ANXA8: variants seen among roughly 807,000 people sequenced by gnomAD.
The protein encoded by ANXA8 is VAC-beta.
In ANXA8, 9 loss-of-function variants were observed where a neutral mutation model predicts 26.8. The observed-to-expected ratio is 0.34, with a 90% confidence interval of 0.20 to 0.59. ANXA8 has a LOEUF of 0.59. Among genes scored for constraint, ANXA8 ranks in the 20% least tolerant of loss-of-function variants. The probability of loss-of-function intolerance (pLI) is 0.84; values close to 1 mark genes in which losing one functional copy is unlikely to be tolerated. For synonymous variants in ANXA8, 39 were observed against 94.8 expected, an observed-to-expected ratio of 0.41 and a Z score of 3.42; for missense variants, 83 against 238.5, an observed-to-expected ratio of 0.35 and a Z score of 4.29.
At chr10:47,949,429 T>C in the ANXA8 span, among the ~76,000 whole-genome samples, 1 of 149,500 alleles carries the variant, frequency 6.7e-6, no homozygotes, top group African/African-American at 2.5e-5. Flanking sequence ...ACTCACCAGG[T>C]GTTTCTAATG....
At chr10:47,627,942 G>A in the ANXA8 span, among the ~76,000 whole-genome samples, 1 of 149,598 alleles carries the variant, frequency 6.7e-6, no homozygotes. Context: ...ATGCTATACT[G>A]GTAAATATAT....
chr10:47,548,557 T>TC, the ANXA8 span, among the ~76,000 whole-genome samples: 4 of 151,864 alleles, frequency 2.6e-5, no homozygotes, highest in Admixed American at 2.0e-4. Flanking sequence ...CACTTCGGTC[T>TC]CCCAAAGTGC....
At chr10:47,949,739 T>G in the ANXA8 span, among the ~76,000 whole-genome samples, 2 of 148,766 alleles carry the variant, frequency 1.3e-5, no homozygotes, top group Non-Finnish European at 3.0e-5. Flanking sequence ...ATGCAACCAC[T>G]AAACATGAAG....
chr10:47,584,978 C>T, the ANXA8 span, among the ~76,000 whole-genome samples: 1 of 147,886 alleles, frequency 6.8e-6, no homozygotes, highest in East Asian at 1.9e-4. Context: ...ATCCTAGATA[C>T]TCAGGAGGCT....
the ANXA8 span, among the ~76,000 whole-genome samples, chr10:47,489,208 C>T: frequency 0.051 from 6,943 of 136,140 alleles, 249 homozygotes; most frequent in Non-Finnish European, 0.075. Context: ...TTAGTAGAGA[C>T]GGGGTTTCAC....
At chr10:47,744,414 G>GGGGGTTGTTGGGGGGGGATGGGGGAA in the ANXA8 span, among the ~76,000 whole-genome samples, 1 of 42,962 alleles carries the variant, frequency 2.3e-5, no homozygotes, top group African/African-American at 9.4e-5. Flanking sequence ...CTCCTGGTGG[G>GGGGGTTGTTGGGGGGGGATGGGGGAA]GGGGGGGTTG....
the ANXA8 span, among the ~76,000 whole-genome samples, chr10:47,960,821 C>G: frequency 1.6e-4 from 22 of 137,084 alleles, no homozygotes; most frequent in African/African-American, 6.3e-4. Flanking sequence ...GTGGAAGCTT[C>G]TCTGGGTGGG....
chr10:47,484,563 C>A, upstream of ANXA8: 1 of 1,423,522 alleles, frequency 7.0e-7, no homozygotes, highest in Non-Finnish European at 9.3e-7. Context: ...CACTGTCAGA[C>A]CGGTGATGGC....
the ANXA8 span, chr10:47,581,135 G>A: frequency 3.6e-5 from 11 of 306,834 alleles, 1 homozygote; most frequent in Non-Finnish European, 6.4e-5. Context: ...TTGCTGCACA[G>A]TCTACCATAG....
At chr10:47,672,303 A>G in the ANXA8 span, among the ~76,000 whole-genome samples, 2 of 151,314 alleles carry the variant, frequency 1.3e-5, no homozygotes, top group South Asian at 4.2e-4. Context: ...GGATATCAGG[A>G]AGCACTAAGT....
At chr10:47,585,609 CG>C in the ANXA8 span, among the ~76,000 whole-genome samples, 1 of 146,580 alleles carries the variant, frequency 6.8e-6, no homozygotes, top group African/African-American at 2.7e-5. Context: ...AGGGAGGAAA[CG>C]GGACACAAGA....
At chr10:47,580,753 C>CAA in the ANXA8 span, among the ~76,000 whole-genome samples, 1,115 of 57,282 alleles carry the variant, frequency 0.019, 6 homozygotes, top group African/African-American at 0.06. Flanking sequence ...AAAAACAAAA[C>CAA]AAAAAAAAAA....
chr10:47,937,210 G>A, the ANXA8 span, among the ~76,000 whole-genome samples: 1 of 149,682 alleles, frequency 6.7e-6, no homozygotes, highest in Non-Finnish European at 1.5e-5. Flanking sequence ...TCCGAAAGAG[G>A]TGCCTGGGCC....
the ANXA8 span, among the ~76,000 whole-genome samples, chr10:47,573,188 T>C: frequency 6.7e-6 from 1 of 148,496 alleles, no homozygotes; most frequent in African/African-American, 2.5e-5. Context: ...TTCACCACGT[T>C]GGCCAGGATG....
the ANXA8 span, among the ~76,000 whole-genome samples, chr10:47,704,277 A>T: frequency 6.9e-6 from 1 of 144,118 alleles, no homozygotes; most frequent in African/African-American, 2.5e-5. Context: ...CTTTTTTGTA[A>T]GTCTTACATT....
chr10:47,693,438 T>C, the ANXA8 span, among the ~76,000 whole-genome samples: 3 of 151,478 alleles, frequency 2.0e-5, no homozygotes, highest in Non-Finnish European at 4.4e-5. Context: ...TACAGGCGCC[T>C]GCCACCGCGC....
chr10:47,977,384 GTT>G, the ANXA8 span, among the ~76,000 whole-genome samples: 2 of 151,240 alleles, frequency 1.3e-5, no homozygotes, highest in Non-Finnish European at 3.0e-5. Context: ...AAAACATTCA[GTT>G]TTTAAGAAAA....
chr10:47,468,810 T>A lies in ANXA8; in HGVS notation c.*37A>T. 6.2e-7 allele frequency: 1 copy of A among 1,606,816 alleles called. No individual in the cohort carries two copies. The highest frequency in any genetic ancestry group is 1.1e-5 in the South Asian group (1 of 89,812). ...AGGTTGAGTGAGGAGTCCTGGAGAC[T>A]CTGGCTTCATGGTCTTTGCTCTTGT... On this transcript the variant is annotated 3_prime_UTR_variant, in exon 12 of 12. Coordinates refer to ENST00000585281, the MANE Select transcript of ANXA8 (RefSeq NM_001040084.3).
chr10:47,700,702 C>T, the ANXA8 span, among the ~76,000 whole-genome samples: 1 of 151,410 alleles, frequency 6.6e-6, no homozygotes, highest in African/African-American at 2.4e-5. Context: ...TAAACAAAGT[C>T]AAAAGACAAC....
Sources: allele counts gnomAD v4.1 joint callset (sites outside exome capture counted in the v4.1 genomes callset), GRCh38; gene constraint gnomAD v4.1.1; transcripts MANE v1.5; gene names NCBI Gene and HGNC (gene_info 2026-07-23, HGNC 2026-07-21).